The following ROBO2 variants were observed in gnomAD, a reference collection of about 807,000 sequenced individuals.
ROBO2 encodes roundabout guidance receptor 2.
Under a neutral mutation model 160.8 loss-of-function variants are expected in ROBO2, and 53 were observed. The observed-to-expected ratio is 0.33, with a 90% confidence interval of 0.26 to 0.41. The LOEUF (loss-of-function observed/expected upper bound fraction) is 0.41, where lower values mean the gene tolerates loss of function less well. Ranked by LOEUF, ROBO2 falls within the 10% of genes least tolerant of loss-of-function variation. The pLI is 1.00. For missense variants in ROBO2, 1,577 were observed against 1,722.4 expected, an observed-to-expected ratio of 0.92 and a Z score of 1.49; for synonymous variants, 664 against 611.7, an observed-to-expected ratio of 1.09 and a Z score of -1.26.
chr3:76,230,187 C>G (rs1036456686), intron 2 of ROBO2, among the ~76,000 whole-genome samples: 18 of 152,126 alleles, frequency 1.2e-4, no homozygotes, highest in African/African-American at 4.3e-4. Flanking sequence ...ACCCCCTCCA[C>G]TGAAAATAAG....
chr3:77,515,307 G>T (rs1266783735), intron 5 of ROBO2, among the ~76,000 whole-genome samples: 1 of 151,638 alleles, frequency 6.6e-6, no homozygotes, highest in African/African-American at 2.4e-5. Context: ...TGTCTGCATG[G>T]TGTACAATTG....
At chr3:76,414,533 G>A (rs1390902959) in intron 2 of ROBO2, among the ~76,000 whole-genome samples, 4 of 144,772 alleles carry the variant, frequency 2.8e-5, no homozygotes, top group South Asian at 2.2e-4. Flanking sequence ...ACCAAACACC[G>A]CATATTCTCA....
chr3:76,587,722 A>G (rs1337290117), intron 2 of ROBO2, among the ~76,000 whole-genome samples: 1 of 152,216 alleles, frequency 6.6e-6, no homozygotes, highest in Admixed American at 6.5e-5. Flanking sequence ...TGAATAAATG[A>G]ACTAACTTTT....
At chr3:76,321,435 G>C (rs1026878631) in intron 2 of ROBO2, among the ~76,000 whole-genome samples, 1 of 152,044 alleles carries the variant, frequency 6.6e-6, no homozygotes, top group African/African-American at 2.4e-5. Flanking sequence ...CCCAGGAGGC[G>C]GAAGTTGCAG....
chr3:76,087,908 T>C (rs1350689410), intron 2 of ROBO2, among the ~76,000 whole-genome samples: 1 of 152,136 alleles, frequency 6.6e-6, no homozygotes, highest in African/African-American at 2.4e-5. Flanking sequence ...ATGGATGATA[T>C]TAACACACTA....
At chr3:76,499,394 G>A (rs2080337299) in intron 2 of ROBO2, among the ~76,000 whole-genome samples, 1 of 152,146 alleles carries the variant, frequency 6.6e-6, no homozygotes, top group African/African-American at 2.4e-5. Flanking sequence ...ACACTCCTCA[G>A]CCCTAAGCTT....
At chr3:76,494,599 T>G (rs4856037) in intron 2 of ROBO2, among the ~76,000 whole-genome samples, 40,867 of 151,958 alleles carry the variant, frequency 0.27, 6,648 homozygotes, top group African/African-American at 0.44. Context: ...CCATATGGGG[T>G]TTTTATCTCC....
At chr3:77,434,023 G>A (rs2079048852) in intron 2 of ROBO2, among the ~76,000 whole-genome samples, 2 of 152,060 alleles carry the variant, frequency 1.3e-5, no homozygotes, top group Admixed American at 1.3e-4. Flanking sequence ...TGCACCTAAA[G>A]CTACTCTTCG....
At chr3:77,029,547 T>A (rs944301718) in intron 2 of ROBO2, among the ~76,000 whole-genome samples, 18 of 152,224 alleles carry the variant, frequency 1.2e-4, no homozygotes, top group African/African-American at 3.9e-4. Context: ...TCTGGTTCTG[T>A]GATAACCTTT....
At chr3:77,548,303 A>C (rs1317480129) in intron 7 of ROBO2, among the ~76,000 whole-genome samples, 1 of 152,004 alleles carries the variant, frequency 6.6e-6, no homozygotes, top group African/African-American at 2.4e-5. Context: ...CTTCACACAA[A>C]CAAAGTTTAA....
intron 2 of ROBO2, among the ~76,000 whole-genome samples, chr3:77,382,401 T>A (rs2073616689): frequency 6.6e-6 from 1 of 152,060 alleles, no homozygotes; most frequent in Non-Finnish European, 1.5e-5. Flanking sequence ...AATTCTCTTT[T>A]TCTTTTTCTT....
intron 2 of ROBO2, among the ~76,000 whole-genome samples, chr3:76,065,992 T>TA (rs2068241885): frequency 2.3e-5 from 2 of 86,156 alleles, no homozygotes; most frequent in Non-Finnish European, 4.6e-5. Flanking sequence ...AATTTAGGAT[T>TA]GTTTTCTTTT....
chr3:77,315,904 C>T (rs2063941377), intron 2 of ROBO2, among the ~76,000 whole-genome samples: 1 of 151,064 alleles, frequency 6.6e-6, no homozygotes, highest in African/African-American at 2.4e-5. Context: ...TTTGAGGTTT[C>T]AATATTTTAT....
chr3:76,546,368 A>G (rs745617215), intron 2 of ROBO2, among the ~76,000 whole-genome samples: 10 of 151,914 alleles, frequency 6.6e-5, no homozygotes, highest in Non-Finnish European at 2.9e-5. Flanking sequence ...TGTAGAAGGT[A>G]AAAGTGCTGC....
At chr3:77,209,652 C>A (rs2083868403) in intron 2 of ROBO2, among the ~76,000 whole-genome samples, 1 of 152,052 alleles carries the variant, frequency 6.6e-6, no homozygotes, top group Non-Finnish European at 1.5e-5. Flanking sequence ...ATTTAGGAAG[C>A]CTTGATCAGC....
chr3:76,677,712 A>C (rs1331000699), intron 2 of ROBO2, among the ~76,000 whole-genome samples: 2 of 152,132 alleles, frequency 1.3e-5, no homozygotes, highest in African/African-American at 4.8e-5. Context: ...TATACTAAGA[A>C]AGAAAAAAAG....
intron 5 of ROBO2, among the ~76,000 whole-genome samples, chr3:77,500,166 T>A (rs915141143): frequency 6.6e-6 from 1 of 152,186 alleles, no homozygotes; most frequent in Admixed American, 6.5e-5. Context: ...TAAAAAGATG[T>A]GTAATGTTAA....
At chr3:75,927,404 TG>T in intron 1 of ROBO2, among the ~76,000 whole-genome samples, 1 of 152,174 alleles carries the variant, frequency 6.6e-6, no homozygotes, top group Non-Finnish European at 1.5e-5. Context: ...TCAATATGAA[TG>T]GAACCTTCAA....
chr3:77,400,077 C>G (rs2075655740), intron 2 of ROBO2, among the ~76,000 whole-genome samples: 1 of 152,116 alleles, frequency 6.6e-6, no homozygotes, highest in African/African-American at 2.4e-5. Flanking sequence ...AATGATGAAG[C>G]TAGTAATGAA....
Sources: allele counts gnomAD v4.1 joint callset (sites outside exome capture counted in the v4.1 genomes callset), GRCh38; gene constraint gnomAD v4.1.1; transcripts MANE v1.5; gene names NCBI Gene and HGNC (gene_info 2026-07-23, HGNC 2026-07-21).